RTN4IP1: variants seen among roughly 807,000 people sequenced by gnomAD.
The protein encoded by RTN4IP1 is reticulon 4 interacting protein 1.
RTN4IP1 carries 32 observed loss-of-function variants against 46.6 expected under a neutral mutation model. The observed-to-expected ratio is 0.69, with a 90% CI of 0.52 to 0.92. The LOEUF (loss-of-function observed/expected upper bound fraction) is 0.92. RTN4IP1 is among the 40% of genes least tolerant of loss of function. The pLI, the probability that RTN4IP1 is intolerant of heterozygous loss-of-function variation, is 0.00. For missense variants in RTN4IP1, 424 were observed against 485.8 expected, an observed-to-expected ratio of 0.87 and a Z score of 1.20; for synonymous variants, 167 against 161.8, an observed-to-expected ratio of 1.03 and a Z score of -0.24.
At chr6:106,577,938 ATT>A (rs1195879133) in intron 8 of RTN4IP1, among the ~76,000 whole-genome samples, 2 of 152,194 alleles carry the variant, frequency 1.3e-5, no homozygotes, top group Non-Finnish European at 2.9e-5. Context: ...CCAAAATCTT[ATT>A]ATTATAAGAT....
chr6:106,587,968 A>G, intron 6 of RTN4IP1, 106 bp from the exon 7 acceptor site: 1 of 981,370 alleles, frequency 1.0e-6, no homozygotes, highest in South Asian at 1.7e-5. Flanking sequence ...TTCAGTGACA[A>G]ATCTTAAACT....
chr6:106,598,032 T>A (rs1775844340), intron 5 of RTN4IP1, among the ~76,000 whole-genome samples: 1 of 152,196 alleles, frequency 6.6e-6, no homozygotes, highest in Admixed American at 6.5e-5. Flanking sequence ...AACTCATCAT[T>A]TTTTATGGCT....
intron 4 of RTN4IP1, among the ~76,000 whole-genome samples, chr6:106,615,366 T>C (rs1218758458): frequency 1.3e-5 from 2 of 152,116 alleles, no homozygotes; most frequent in African/African-American, 4.8e-5. Context: ...ACACCTAATT[T>C]ACACTTACAT....
chr6:106,602,703 T>C (rs897831700), intron 5 of RTN4IP1, among the ~76,000 whole-genome samples, 171 bp downstream of exon 5: 1 of 152,100 alleles, frequency 6.6e-6, no homozygotes, highest in Admixed American at 6.5e-5. Context: ...CTCTAAAAAA[T>C]AATTTTTTCT....
At chr6:106,577,095 G>C (rs1306619674) in intron 8 of RTN4IP1, among the ~76,000 whole-genome samples, 1 of 152,108 alleles carries the variant, frequency 6.6e-6, no homozygotes, top group Non-Finnish European at 1.5e-5. Flanking sequence ...ACATCAGAAG[G>C]CTTACTAATT....
At chr6:106,601,349 T>C (rs1260722976) in intron 5 of RTN4IP1, among the ~76,000 whole-genome samples, 1 of 152,210 alleles carries the variant, frequency 6.6e-6, no homozygotes, top group Non-Finnish European at 1.5e-5. Flanking sequence ...AAATATTTTC[T>C]TCCATTCTGT....
intron 5 of RTN4IP1, among the ~76,000 whole-genome samples, chr6:106,592,844 G>A (rs561751128): frequency 6.7e-4 from 102 of 151,876 alleles, no homozygotes; most frequent in Non-Finnish European, 1.3e-3. Flanking sequence ...CAGGAGAATC[G>A]CTTGAACCCC....
chr6:106,616,995 T>C (rs1315887373), intron 4 of RTN4IP1, among the ~76,000 whole-genome samples: 1 of 151,848 alleles, frequency 6.6e-6, no homozygotes, highest in African/African-American at 2.4e-5. Flanking sequence ...CCCTCATGAA[T>C]GGGATTTGTG....
intron 8 of RTN4IP1, among the ~76,000 whole-genome samples, chr6:106,575,809 T>C (rs1264159460): frequency 6.6e-6 from 1 of 152,238 alleles, no homozygotes; most frequent in Non-Finnish European, 1.5e-5. Context: ...CCAGGACTCC[T>C]AATGTCATTA....
chr6:106,614,501 G>A (rs1776301457), intron 4 of RTN4IP1, among the ~76,000 whole-genome samples: 2 of 152,132 alleles, frequency 1.3e-5, no homozygotes, highest in Non-Finnish European at 2.9e-5. Flanking sequence ...GGGAGTAGAT[G>A]AGATAACCCT....
intron 4 of RTN4IP1, among the ~76,000 whole-genome samples, chr6:106,604,841 G>T (rs1386708715): frequency 6.6e-6 from 1 of 152,116 alleles, no homozygotes; most frequent in Non-Finnish European, 1.5e-5. Context: ...TGTACCTTGT[G>T]TGACTTCCAT....
Position 106,587,782 on chromosome 6 carries a change from G to C in RTN4IP1, c.887C>G (p.Thr296Ser). The change falls in exon 7 of 9, where the codon ACC becomes AGC. Residue 296 changes from threonine (T) to serine (S), a missense_variant. Thr to Ser is a moderately conservative substitution (Grantham distance 58). Coordinates refer to ENST00000369063, the MANE Select transcript of RTN4IP1 (RefSeq NM_032730.5). The part of the protein sequence containing the change: ...PDFLKKWSGA[T>S]YVTLVTPFLL... Reference sequence around the variant, plus strand: ...GAAAGGAGTCACCAAAGTCACATAGGTGGCTCCTGACCATTTCTTGAGAAA... The same window carrying C: ...GAAAGGAGTCACCAAAGTCACATAGCTGGCTCCTGACCATTTCTTGAGAAA... 6.2e-7 allele frequency: 1 copy of C among 1,613,956 alleles called. No individual in the cohort carries two copies. Among genetic ancestry groups the C allele is most frequent in the Non-Finnish European group, 8.5e-7 (1 of 1,179,996 alleles).
At chr6:106,621,077 C>A (rs1239022430) in intron 3 of RTN4IP1, among the ~76,000 whole-genome samples, 1 of 152,120 alleles carries the variant, frequency 6.6e-6, no homozygotes, top group Non-Finnish European at 1.5e-5. Flanking sequence ...TAAAGTTATT[C>A]AAAACCGCTG....
intron 4 of RTN4IP1, 73 bp from the exon 5 acceptor site, chr6:106,602,995 AAC>A: frequency 1.0e-6 from 1 of 988,082 alleles, no homozygotes; most frequent in Non-Finnish European, 1.5e-6. Context: ...TTCAACAAAT[AAC>A]TGGTTGATGA....
Position 106,629,281 on chromosome 6 carries a change from AC to A in RTN4IP1, c.-261del. 1 of 518,930 alleles carries A rather than the reference AC, an allele frequency of 1.9e-6. No homozygotes were observed. Among genetic ancestry groups the A allele is most frequent in the South Asian group, 2.9e-5 (1 of 34,428 alleles). 32.1% of individuals were successfully genotyped at this position (518,930 alleles called of 1,614,324 possible). ...CTGTCCATTCTCCTCCCTCACTTTCACCCCCTCCACTTTAAAAAAAAAAGGG... is the reference window on the plus strand; with the variant it reads ...CTGTCCATTCTCCTCCCTCACTTTCACCCCTCCACTTTAAAAAAAAAAGGG... On this transcript the variant is annotated 5_prime_UTR_variant, in exon 1 of 9. Coordinates refer to ENST00000369063, the MANE Select transcript of RTN4IP1 (RefSeq NM_032730.5).
At chr6:106,610,046 A>G (rs1776186350) in intron 4 of RTN4IP1, among the ~76,000 whole-genome samples, 3 of 151,450 alleles carry the variant, frequency 2.0e-5, no homozygotes, top group South Asian at 2.1e-4. Context: ...AAAGTCCCCA[A>G]AAAGAGAGTA....
chr6:106,602,898 G>A lies in RTN4IP1; in HGVS notation c.645C>T (p.Gly215=), dbSNP rs111435523. 1,254 of 1,603,720 alleles carry A rather than the reference G, an allele frequency of 7.8e-4. 7 individuals are homozygous for A. In the African/African-American group the frequency reaches 0.012, roughly 15 times the overall value. The change falls in exon 5 of 9, where the codon GGC becomes GGT. Residue 215 remains glycine, a synonymous_variant. Transcript: ENST00000369063. ...CCTGTATAGCAAAAGTACCAACTCC[G>A]CCTGAAGCGCCTAAGATTAGAACAC... The part of the protein sequence containing the change: ...GKRVLILGAS[G]GVGTFAIQVM...
At chr6:106,613,884 T>C (rs1015289302) in intron 4 of RTN4IP1, among the ~76,000 whole-genome samples, 2 of 152,178 alleles carry the variant, frequency 1.3e-5, no homozygotes, top group African/African-American at 2.4e-5. Flanking sequence ...ATTTCACTTA[T>C]AATAAATCTT....
intron 1 of RTN4IP1, among the ~76,000 whole-genome samples, chr6:106,625,529 G>C (rs1480639418): frequency 6.6e-6 from 1 of 152,096 alleles, no homozygotes; most frequent in Non-Finnish European, 1.5e-5. Context: ...GGAAATAAGG[G>C]ACTGGAGACA....
Sources: gnomAD v4.1 joint callset for allele counts (sites outside exome capture counted in the v4.1 genomes callset) on GRCh38, gnomAD v4.1.1 for gene constraint, MANE v1.5 for transcripts, NCBI Gene and HGNC (gene_info 2026-07-23, HGNC 2026-07-21) for gene names.